Variants in DMD observed in about 807,000 individuals in gnomAD.
DMD encodes mutant dystrophin.
A neutral mutation model predicts 330.1 loss-of-function variants in DMD; 63 were observed. That is an observed-to-expected ratio of 0.19 (90% CI 0.16 to 0.24). The LOEUF (loss-of-function observed/expected upper bound fraction) is 0.24, where lower values mean the gene tolerates loss of function less well. Ranked by LOEUF, DMD falls within the 10% of genes least tolerant of loss-of-function variation. The pLI is 1.00. For synonymous variants in DMD, 1,223 were observed against 959.8 expected, an observed-to-expected ratio of 1.27 and a Z score of -5.07; for missense variants, 3,344 against 2,684.1, an observed-to-expected ratio of 1.25 and a Z score of -5.43.
intron 19 of DMD, among the ~76,000 whole-genome samples, chrX:32,495,537 G>A (rs2043407238): frequency 9.0e-6 from 1 of 111,506 alleles, no homozygotes; most frequent in Non-Finnish European, 1.9e-5. Flanking sequence ...ATTACTTAAT[G>A]TACCTCTCTT....
intron 55 of DMD, among the ~76,000 whole-genome samples, chrX:31,569,559 T>TA (rs2075643713): frequency 1.0e-5 from 1 of 95,435 alleles, no homozygotes; most frequent in Non-Finnish European, 2.1e-5. Context: ...AGAGTGTTTT[T>TA]TATATATATA....
chrX:32,297,246 TATTTATTTATTTATTTA>T (rs1001188271), intron 42 of DMD, among the ~76,000 whole-genome samples: 6 of 79,170 alleles, frequency 7.6e-5, no homozygotes, highest in Non-Finnish European at 1.6e-4. Flanking sequence ...TTTATTTATT[TATTTATTTATTTATTTA>T]TTTATTTATT....
chrX:32,120,372 C>G (rs1201718351), intron 44 of DMD, among the ~76,000 whole-genome samples: 2 of 111,913 alleles, frequency 1.8e-5, no homozygotes, highest in African/African-American at 6.5e-5. Context: ...GCTAGCCTAG[C>G]AATCTGTGGT....
chrX:31,831,796 G>C (rs960798602), intron 49 of DMD, among the ~76,000 whole-genome samples: 1 of 111,663 alleles, frequency 9.0e-6, no homozygotes, highest in African/African-American at 3.3e-5. Context: ...TAGAGATGGG[G>C]TTTCACCATG....
Position 32,104,550 on chromosome X carries a change from C to T in DMD, c.6438+112366G>A, listed in dbSNP as rs755927434. Among the ~76,000 whole-genome samples the T allele has an allele frequency of 4.5e-5, 5 of 111,627 alleles. No homozygotes were observed. The South Asian group carries it at 1.9e-3, about 42-fold the overall frequency. On this transcript the variant is annotated intron_variant, in intron 44 of 78. Transcript: ENST00000357033. ...AACATTTAGTAACACCCTCATTTAC[C>T]ACCCTGAAATGAAATGAATAGATCT...
Position 31,133,722 on chromosome X carries a change from G to C in DMD, c.11014+380C>G, listed in dbSNP as rs757590692. On this transcript the variant is annotated intron_variant, in intron 77 of 78. Coordinates refer to ENST00000357033, the MANE Select transcript of DMD (RefSeq NM_004006.3). ...ATTGTTCTAGGCCTTGCTGTAGCACGTAGTAGCCATATGTCCCTGGCAAAG... is the reference window on the plus strand; with the variant it reads ...ATTGTTCTAGGCCTTGCTGTAGCACCTAGTAGCCATATGTCCCTGGCAAAG... Among the ~76,000 whole-genome samples the C allele has an allele frequency of 8.5e-4, 95 of 111,513 alleles. No individual in the cohort carries two copies. In the Middle Eastern group the frequency reaches 0.019, roughly 22 times the overall value.
intron 60 of DMD, among the ~76,000 whole-genome samples, chrX:31,421,934 C>T (rs5927752): frequency 0.25 from 16,008 of 63,877 alleles, 1,270 homozygotes; most frequent in African/African-American, 0.43. Flanking sequence ...TATATATATA[C>T]ACACACACAT....
rs758404687 is a variant in DMD at position 32,809,616 on chromosome X, A to AACACAT, written c.531-11_531-6dup. On this transcript the variant is annotated splice_polypyrimidine_tract_variant and splice_region_variant and intron_variant, in intron 6 of 78. Coordinates refer to ENST00000357033, the MANE Select transcript of DMD (RefSeq NM_004006.3). ...TTCCAGTCAAATAGGTCTGGCCTAA[A>AACACAT]ACACATACACATACACACATACACA... is the stretch of plus-strand genomic sequence containing the variant. The AACACAT allele has an allele frequency of 2.5e-6, 3 of 1,184,895 alleles. No homozygotes were observed. Among genetic ancestry groups the AACACAT allele is most frequent in the South Asian group, 1.8e-5 (1 of 56,367 alleles).
intron 37 of DMD, among the ~76,000 whole-genome samples, chrX:32,361,240 C>A (rs749901796): frequency 9.0e-6 from 1 of 111,527 alleles, no homozygotes; most frequent in South Asian, 3.7e-4. Flanking sequence ...CCATTGATAT[C>A]TTTAGAAGTA....
intron 35 of DMD, 127 bp downstream of exon 35, chrX:32,364,893 T>G: frequency 1.3e-6 from 1 of 779,435 alleles, no homozygotes; most frequent in Admixed American, 2.9e-5. Flanking sequence ...TTGTTATAGA[T>G]ATTGAATTAA....
chrX:33,230,957 C>CA (rs199599120), intron 1 of DMD, among the ~76,000 whole-genome samples: 2,214 of 95,127 alleles, frequency 0.023, 26 homozygotes, highest in African/African-American at 0.065. Context: ...ACATAATAGC[C>CA]AAAAAAAAAA....
chrX:31,178,314 A>C (rs754017203), intron 70 of DMD: 14 of 983,640 alleles, frequency 1.4e-5, no homozygotes, highest in Non-Finnish European at 1.8e-5. Flanking sequence ...AAAAAGACAC[A>C]CATTTACTGA....
chrX:31,374,340 A>T (rs1372992692), intron 60 of DMD, among the ~76,000 whole-genome samples: 1 of 105,740 alleles, frequency 9.5e-6, no homozygotes, highest in African/African-American at 3.5e-5. Flanking sequence ...CCAAAGGACT[A>T]TAAATCATGC....
intron 7 of DMD, among the ~76,000 whole-genome samples, chrX:32,703,249 T>C (rs971976498): frequency 5.4e-5 from 6 of 111,986 alleles, no homozygotes; most frequent in Admixed American, 1.9e-4. Flanking sequence ...GAGACTGTGG[T>C]TGACCAGGAG....
intron 29 of DMD, among the ~76,000 whole-genome samples, chrX:32,417,804 C>T (rs1030867594): frequency 6.7e-5 from 7 of 104,827 alleles, no homozygotes; most frequent in African/African-American, 2.5e-4. Flanking sequence ...CAAATAAACC[C>T]GAACTTTGTA....
chrX:32,760,994 A>G (rs1267906456), intron 7 of DMD, among the ~76,000 whole-genome samples: 1 of 109,053 alleles, frequency 9.2e-6, no homozygotes, highest in Non-Finnish European at 1.9e-5. Context: ...TTTCTCTAAA[A>G]TATAGCCCAA....
At chrX:31,324,909 C>G (rs965758332) in intron 61 of DMD, among the ~76,000 whole-genome samples, 1 of 112,097 alleles carries the variant, frequency 8.9e-6, no homozygotes, top group Non-Finnish European at 1.9e-5. Flanking sequence ...AATGAAACTC[C>G]AGCTTCTTTG....
chrX:32,743,880 G>A, intron 7 of DMD, among the ~76,000 whole-genome samples: 1 of 111,134 alleles, frequency 9.0e-6, no homozygotes, highest in Non-Finnish European at 1.9e-5. Flanking sequence ...AATGAAAATA[G>A]ACATTGTGTT....
At chrX:32,614,639 T>C (rs1268903636) in intron 11 of DMD, among the ~76,000 whole-genome samples, 186 bp from the exon 12 acceptor site, 1 of 111,379 alleles carries the variant, frequency 9.0e-6, no homozygotes, top group Non-Finnish European at 1.9e-5. Flanking sequence ...CTCAGACTTA[T>C]AATAGTTCAC....
Sources: gnomAD v4.1 joint callset for allele counts (sites outside exome capture counted in the v4.1 genomes callset) on GRCh38, gnomAD v4.1.1 for gene constraint, MANE v1.5 for transcripts, NCBI Gene and HGNC (gene_info 2026-07-23, HGNC 2026-07-21) for gene names.